The following PCDHA13 variants were observed in gnomAD, a reference collection of about 807,000 sequenced individuals.
PCDHA13 encodes protocadherin alpha 13, also known as protocadherin alpha-13.
PCDHA13 carries 54 observed loss-of-function variants against 64.8 expected under a neutral mutation model. That is an observed-to-expected ratio of 0.83 (90% CI 0.67 to 1.04). The LOEUF (loss-of-function observed/expected upper bound fraction) is 1.04, where lower values mean the gene tolerates loss of function less well. PCDHA13 is among the 50% of genes least tolerant of loss of function. The pLI is 0.00. For synonymous variants in PCDHA13, 587 were observed against 564.4 expected, an observed-to-expected ratio of 1.04 and a Z score of -0.57; for missense variants, 1,248 against 1,254.3, an observed-to-expected ratio of 0.99 and a Z score of 0.08.
chr5:140,932,710 C>T (rs2088563538), intron 1 of PCDHA13, among the ~76,000 whole-genome samples: 1 of 151,522 alleles, frequency 6.6e-6, no homozygotes, highest in African/African-American at 2.4e-5. Context: ...ATAGACAACA[C>T]AATAATATTG....
At chr5:140,935,394 G>C (rs959098226) in intron 1 of PCDHA13, among the ~76,000 whole-genome samples, 2 of 152,088 alleles carry the variant, frequency 1.3e-5, no homozygotes, top group East Asian at 3.8e-4. Context: ...GTTATCCCAC[G>C]GGACTCAAAC....
chr5:140,967,898 G>A (rs751530394), intron 1 of PCDHA13: 9 of 1,614,046 alleles, frequency 5.6e-6, no homozygotes, highest in Non-Finnish European at 7.6e-6. Context: ...GCCTGAGAAT[G>A]CTACACCCAA....
intron 1 of PCDHA13, among the ~76,000 whole-genome samples, chr5:140,956,723 A>G (rs536528599): frequency 6.6e-6 from 1 of 152,166 alleles, no homozygotes; most frequent in Non-Finnish European, 1.5e-5. Context: ...AAGAATTGGT[A>G]CCAGCTCCTC....
intron 1 of PCDHA13, among the ~76,000 whole-genome samples, chr5:140,947,571 GT>G (rs782708059): frequency 1.8e-4 from 28 of 151,588 alleles, no homozygotes; most frequent in Non-Finnish European, 3.1e-4. Context: ...TATTGGGAAT[GT>G]TTTTAACATT....
At chr5:140,906,926 T>C (rs1217312413) in intron 1 of PCDHA13, among the ~76,000 whole-genome samples, 1 of 152,194 alleles carries the variant, frequency 6.6e-6, no homozygotes, top group Non-Finnish European at 1.5e-5. Flanking sequence ...CCAAAAAGTG[T>C]CCCGGTGTCA....
At chr5:141,005,153 C>G (rs1408163088) in intron 3 of PCDHA13, among the ~76,000 whole-genome samples, 1 of 152,194 alleles carries the variant, frequency 6.6e-6, no homozygotes, top group East Asian at 1.9e-4. Flanking sequence ...GTTTGGTCTG[C>G]TAAAGAGTGG....
intron 1 of PCDHA13, among the ~76,000 whole-genome samples, chr5:140,897,060 A>G (rs2153455161): frequency 6.6e-6 from 1 of 152,068 alleles, no homozygotes; most frequent in East Asian, 1.9e-4. Flanking sequence ...GTCAAATACT[A>G]TGTCTTATTC....
chr5:141,009,595 C>G (rs781807814), intron 3 of PCDHA13, 32 bp from the exon 4 acceptor site: 1 of 1,604,124 alleles, frequency 6.2e-7, no homozygotes, highest in Non-Finnish European at 8.5e-7. Flanking sequence ...TGTGTTGACC[C>G]TGTTAATGAT....
chr5:140,912,235 C>G (rs562096532), intron 1 of PCDHA13, among the ~76,000 whole-genome samples: 2 of 151,858 alleles, frequency 1.3e-5, no homozygotes, highest in South Asian at 4.2e-4. Context: ...TCCACTGACT[C>G]AAATGTTAAT....
intron 1 of PCDHA13, chr5:140,927,923 CTCT>C: frequency 6.2e-7 from 1 of 1,614,232 alleles, no homozygotes; most frequent in East Asian, 2.2e-5. Context: ...GACTTCCTGA[CTCT>C]TTCGAACCCA....
At chr5:140,899,269 A>C (rs1301807291) in intron 1 of PCDHA13, among the ~76,000 whole-genome samples, 2 of 152,260 alleles carry the variant, frequency 1.3e-5, no homozygotes, top group East Asian at 3.9e-4. Context: ...GTCTTGTGGC[A>C]GTTTTCAAAG....
intron 1 of PCDHA13, among the ~76,000 whole-genome samples, chr5:140,908,711 T>A (rs951399125): frequency 6.6e-6 from 1 of 152,144 alleles, no homozygotes; most frequent in African/African-American, 2.4e-5. Flanking sequence ...CACCATTGGA[T>A]CTGCTGGGTC....
At chr5:140,983,168 C>G (rs2097030716) in intron 3 of PCDHA13, among the ~76,000 whole-genome samples, 1 of 152,146 alleles carries the variant, frequency 6.6e-6, no homozygotes. Context: ...CCAAACATGA[C>G]CGCCTCACAA....
At chr5:140,928,041 C>T (rs2084880685) in intron 1 of PCDHA13, 3 of 1,613,398 alleles carry the variant, frequency 1.9e-6, no homozygotes, top group Non-Finnish European at 2.5e-6. Context: ...CTAGTGCAGG[C>T]CCTTTTCAGC....
At position 140,884,271 on chromosome 5, in the gene PCDHA13, C is replaced by T; in HGVS notation, c.2003C>T (p.Ser668Leu). The T allele has an allele frequency of 6.2e-7, 1 of 1,613,540 alleles. No homozygotes were observed. The highest frequency in any genetic ancestry group is 8.5e-7 in the Non-Finnish European group (1 of 1,179,772). The change falls in exon 1 of 4, where the codon TCG becomes TTG. Residue 668 changes from serine to leucine, a missense_variant. Coordinates refer to ENST00000289272, the MANE Select transcript of PCDHA13 (RefSeq NM_018904.3). ...ALTATATVLL[S>L]LVESGQAPQA... ...ACGGCCACGGCAACGGTGCTGTTGT[C>T]GCTGGTGGAGAGCGGCCAAGCGCCA...
intron 1 of PCDHA13, among the ~76,000 whole-genome samples, chr5:140,963,667 T>A (rs1206076549): frequency 6.6e-6 from 1 of 152,238 alleles, no homozygotes; most frequent in Non-Finnish European, 1.5e-5. Flanking sequence ...CTATATGGCA[T>A]AGTTAAATGT....
rs201675412 is a variant in PCDHA13, at chr5:140,882,427, G to C, written c.159G>C (p.Gly53=). Residue 53 remains glycine, a synonymous_variant, in exon 1 of 4, where the codon GGG becomes GGC. Coordinates refer to ENST00000289272, the MANE Select transcript of PCDHA13 (RefSeq NM_018904.3). The part of the protein sequence containing the change: ...TFVGRIAQDL[G]LELAELVPRL... ...TGGGCCGCATCGCTCAGGACCTGGG[G>C]CTGGAGCTGGCGGAGCTGGTGCCGC... 264 of 1,613,972 alleles carry C rather than the reference G, an allele frequency of 1.6e-4. No homozygotes were observed. The highest frequency in any genetic ancestry group is 1.7e-4 in the Middle Eastern group (1 of 5,970).
chr5:140,910,175 T>C (rs1296033470), intron 1 of PCDHA13, among the ~76,000 whole-genome samples: 1 of 152,240 alleles, frequency 6.6e-6, no homozygotes. Flanking sequence ...CCTCTGTTTT[T>C]ATAATTCAAA....
At chr5:141,006,105 G>GT (rs79904017) in intron 3 of PCDHA13, among the ~76,000 whole-genome samples, 4,283 of 143,138 alleles carry the variant, frequency 0.03, 125 homozygotes, top group African/African-American at 0.081. Flanking sequence ...ATGGTAAGGA[G>GT]TTTTTTTTTT....
Sources: gnomAD v4.1 joint callset for allele counts (sites outside exome capture counted in the v4.1 genomes callset) on GRCh38, gnomAD v4.1.1 for gene constraint, MANE v1.5 for transcripts, NCBI Gene and HGNC (gene_info 2026-07-23, HGNC 2026-07-21) for gene names.